PFDN1: variants seen among roughly 807,000 people sequenced by gnomAD.
PFDN1 encodes the protein prefoldin 1.
A neutral mutation model predicts 17.3 loss-of-function variants in PFDN1; 6 were observed. The ratio of observed to expected loss-of-function variants is 0.35; its 90% CI spans 0.19 to 0.69. The LOEUF is 0.69. Ranked by LOEUF, PFDN1 falls within the 30% of genes least tolerant of loss-of-function variation. PFDN1 has a pLI of 0.65. For missense variants in PFDN1, 113 were observed against 146.2 expected, an observed-to-expected ratio of 0.77 and a Z score of 1.17; for synonymous variants, 58 against 50.1, an observed-to-expected ratio of 1.16 and a Z score of -0.67.
chr5:140,273,604 C>T (rs571724907), intron 3 of PFDN1, among the ~76,000 whole-genome samples: 8 of 152,248 alleles, frequency 5.3e-5, no homozygotes, highest in Admixed American at 3.9e-4. Flanking sequence ...ACTGTCTGAC[C>T]AAAACTGTCA....
intron 2 of PFDN1, among the ~76,000 whole-genome samples, chr5:140,283,484 C>G (rs1037969628): frequency 2.0e-5 from 3 of 152,182 alleles, no homozygotes; most frequent in Non-Finnish European, 4.4e-5. Flanking sequence ...CTGCCCGCCT[C>G]GGCCTCCCAA....
At chr5:140,301,846 TAA>T (rs1188163124) in intron 1 of PFDN1, among the ~76,000 whole-genome samples, 2 of 152,196 alleles carry the variant, frequency 1.3e-5, no homozygotes, top group Non-Finnish European at 2.9e-5. Context: ...TTTTGAAATG[TAA>T]AATTCCAGGT....
At chr5:140,285,908 G>C (rs898899293) in intron 2 of PFDN1, among the ~76,000 whole-genome samples, 5 of 152,070 alleles carry the variant, frequency 3.3e-5, no homozygotes, top group African/African-American at 1.2e-4. Context: ...GAAAGCTGAG[G>C]TGTGAGGATT....
chr5:140,266,728 TCA>T (rs1157977087), intron 3 of PFDN1, among the ~76,000 whole-genome samples: 1 of 152,258 alleles, frequency 6.6e-6, no homozygotes, highest in Non-Finnish European at 1.5e-5. Context: ...CTCCTAGTTT[TCA>T]CACATTCCAC....
In PFDN1 at chr5:140,245,513, A is replaced by C. The variant is rs771471363; in HGVS notation, c.*461T>G. ...CAGGAAGGGAAAAGAGAAGAGGGCAAGGCCCATCCCCCAAGAAAGGAAGGG... is the reference window on the plus strand; with the variant it reads ...CAGGAAGGGAAAAGAGAAGAGGGCACGGCCCATCCCCCAAGAAAGGAAGGG... On this transcript the variant is annotated 3_prime_UTR_variant, in exon 4 of 4. Transcript: ENST00000261813. 51 of 702,528 alleles carry C rather than the reference A, an allele frequency of 7.3e-5. No individual in the cohort carries two copies. Among genetic ancestry groups the C allele is most frequent in the Non-Finnish European group, 1.2e-4 (46 of 385,020 alleles). The allele number at this position is 702,528 out of a possible 1,614,324, so 43.5% of individuals were successfully genotyped here. A position where few individuals can be genotyped will look rare whatever the true frequency, so the allele number is the denominator to read the frequency against.
chr5:140,295,373 T>C (rs768679765), intron 2 of PFDN1, among the ~76,000 whole-genome samples: 1 of 152,148 alleles, frequency 6.6e-6, no homozygotes, highest in Non-Finnish European at 1.5e-5. Context: ...TGAAAAAATA[T>C]ATACAAGAAA....
At chr5:140,256,088 C>T (rs558120582) in intron 3 of PFDN1, among the ~76,000 whole-genome samples, 2 of 152,284 alleles carry the variant, frequency 1.3e-5, no homozygotes, top group South Asian at 4.1e-4. Context: ...TATTCTCCTC[C>T]GACATAACTG....
intron 2 of PFDN1, among the ~76,000 whole-genome samples, chr5:140,287,406 C>A (rs1765514344): frequency 6.6e-6 from 1 of 152,170 alleles, no homozygotes; most frequent in South Asian, 2.1e-4. Flanking sequence ...CATATATACA[C>A]ATATTATCTA....
chr5:140,251,775 C>A (rs1042603052), intron 3 of PFDN1, among the ~76,000 whole-genome samples: 3 of 152,112 alleles, frequency 2.0e-5, no homozygotes, highest in Non-Finnish European at 4.4e-5. Context: ...TATTGCTCAT[C>A]GGCCTGAGGT....
At chr5:140,277,853 C>T (rs564174963) in intron 3 of PFDN1, among the ~76,000 whole-genome samples, 1 of 152,266 alleles carries the variant, frequency 6.6e-6, no homozygotes, top group Admixed American at 6.5e-5. Flanking sequence ...AACAATTAGA[C>T]TAACAGATGA....
In PFDN1 at chr5:140,245,676, G is replaced by A; in HGVS notation, c.*298C>T. The A allele has an allele frequency of 1.5e-6, 1 of 645,618 alleles. No homozygotes were observed. 40.0% of individuals were successfully genotyped at this position (645,618 alleles called of 1,614,324 possible). ...TTTATTGGTCTGGCTGGCGTGCCTA[G>A]TGGAAAGCTCAGGCAGAGCTTCCTA... On this transcript the variant is annotated 3_prime_UTR_variant, in exon 4 of 4. Transcript: ENST00000261813.
At chr5:140,279,274 T>C (rs1304582081) in intron 3 of PFDN1, among the ~76,000 whole-genome samples, 1 of 152,192 alleles carries the variant, frequency 6.6e-6, no homozygotes, top group Non-Finnish European at 1.5e-5. Context: ...TTTTATATTT[T>C]ATTTATGGTG....
rs1456314487 is a variant in PFDN1, at chr5:140,262,747, G to GA, written c.286-16691dup. On this transcript the variant is annotated intron_variant, in intron 3 of 3. Transcript: ENST00000261813. ...GGGAATGAGACTGGGGAAGGTGTGGGAGGGAACACAGATGACCTCAATTTC... is the reference window on the plus strand; with the variant it reads ...GGGAATGAGACTGGGGAAGGTGTGGGAAGGGAACACAGATGACCTCAATTTC... Among the ~76,000 whole-genome samples, 5 of 152,154 alleles carry GA rather than the reference G, an allele frequency of 3.3e-5. No homozygotes were observed. The East Asian group carries it at 9.7e-4, about 29-fold the overall frequency.
At chr5:140,258,664 C>A (rs1268320452) in intron 3 of PFDN1, among the ~76,000 whole-genome samples, 1 of 152,170 alleles carries the variant, frequency 6.6e-6, no homozygotes, top group Non-Finnish European at 1.5e-5. Context: ...CATTAGACAT[C>A]AGAAGCTGAG....
intron 3 of PFDN1, among the ~76,000 whole-genome samples, chr5:140,258,805 G>A (rs993635727): frequency 6.6e-6 from 1 of 152,156 alleles, no homozygotes. Flanking sequence ...TCTGAGCTTC[G>A]TTTTGGGTTT....
chr5:140,291,003 C>T (rs1399352655), intron 2 of PFDN1, among the ~76,000 whole-genome samples: 1 of 152,104 alleles, frequency 6.6e-6, no homozygotes, highest in East Asian at 1.9e-4. Flanking sequence ...TCATGAAAGG[C>T]CTCATTGCCT....
chr5:140,267,730 G>A (rs61305559), intron 3 of PFDN1, among the ~76,000 whole-genome samples: 13 of 146,558 alleles, frequency 8.9e-5, no homozygotes, highest in South Asian at 2.4e-4. Flanking sequence ...CTAAAGGGAC[G>A]GGGGATTATC....
At chr5:140,291,279 G>A (rs1269043000) in intron 2 of PFDN1, among the ~76,000 whole-genome samples, 2 of 152,168 alleles carry the variant, frequency 1.3e-5, no homozygotes, top group Admixed American at 6.5e-5. Flanking sequence ...TTAGACCAGG[G>A]TGGTGGTAAG....
intron 3 of PFDN1, among the ~76,000 whole-genome samples, chr5:140,253,854 A>G (rs1271903417): frequency 6.6e-6 from 1 of 152,216 alleles, no homozygotes; most frequent in African/African-American, 2.4e-5. Flanking sequence ...TCCCAGCAGC[A>G]TCGGGATCAC....
Sources: allele counts gnomAD v4.1 joint callset (sites outside exome capture counted in the v4.1 genomes callset), GRCh38; gene constraint gnomAD v4.1.1; transcripts MANE v1.5; gene names NCBI Gene and HGNC (gene_info 2026-07-23, HGNC 2026-07-21).